Variants in MCFD2 observed in about 807,000 individuals in gnomAD.
MCFD2 encodes multiple coagulation factor deficiency 2, ER cargo receptor complex subunit.
In MCFD2, 11 loss-of-function variants were observed where a neutral mutation model predicts 12.8. That is an observed-to-expected ratio of 0.86 (90% CI 0.54 to 1.42). The LOEUF (loss-of-function observed/expected upper bound fraction) is 1.42. MCFD2 is among the 40% of genes most tolerant of loss of function. MCFD2 has a pLI of 0.00. For synonymous variants in MCFD2, 70 were observed against 68.1 expected (o/e 1.03, Z -0.14); for missense variants, 191 against 178.6 (o/e 1.07, Z -0.40).
chr2:46,925,221 G>T (rs1402453639), intron 1 of MCFD2, among the ~76,000 whole-genome samples: 6 of 152,164 alleles, frequency 3.9e-5, no homozygotes, highest in Admixed American at 2.0e-4. Flanking sequence ...ATCCTGAGTA[G>T]CTGGGACTAC....
At chr2:46,923,439 G>T (rs1052762400) in intron 1 of MCFD2, among the ~76,000 whole-genome samples, 2 of 152,186 alleles carry the variant, frequency 1.3e-5, no homozygotes, top group Non-Finnish European at 1.5e-5. Flanking sequence ...AGGATTGTAG[G>T]AGTTGTATGC....
In MCFD2 at chr2:46,941,327, A is replaced by T. The variant is rs1670343904; in HGVS notation, c.-8+245T>A. 1.3e-5 allele frequency: 3 copies of T among 227,162 alleles called. No individual in the cohort carries two copies. The highest frequency in any genetic ancestry group is 2.4e-5 in the Non-Finnish European group (3 of 127,330). 14.1% of individuals were successfully genotyped at this position (227,162 alleles called of 1,614,324 possible). A position where few individuals can be genotyped will look rare whatever the true frequency, so the allele number is the denominator to read the frequency against. The stretch of plus-strand genomic sequence containing the variant: ...GTACGGGCCGCTCGGCCGGAGCCGC[A>T]GCCCGGAGGCGCCGGGCGGTGCGCT... On this transcript the variant is annotated intron_variant, in intron 1 of 2. Transcript: ENST00000409147. The surrounding 1 kb of genome is among the most constrained non-coding windows in gnomAD (Gnocchi z 4.2).
At position 46,940,501 on chromosome 2, in the gene MCFD2, C is replaced by G. The variant is rs575500388; in HGVS notation, c.-8+1071G>C. ...GTGAACTTCTGGGCACCCCACAGCC[C>G]TGGGCTAAACCCTGCTAAGCACTCC... On this transcript the variant is annotated intron_variant, in intron 1 of 2. Transcript: ENST00000409147. The surrounding 1 kb of genome is among the most constrained non-coding windows in gnomAD (Gnocchi z 4.7). Among the ~76,000 whole-genome samples, 3 of 152,296 alleles carry G rather than the reference C, an allele frequency of 2.0e-5. No individual in the cohort carries two copies. Among genetic ancestry groups the G allele is most frequent in the African/African-American group, 4.8e-5 (2 of 41,568 alleles).
At position 46,907,850 on chromosome 2, in the gene MCFD2, C is replaced by T. The variant is rs994703366; in HGVS notation, c.269G>A (p.Gly90Asp). The change falls in exon 3 of 4, where the codon GGC becomes GAC. Residue 90 changes from glycine (G) to aspartate (D), a missense_variant. By Grantham distance (94) the Gly-to-Asp change is moderately conservative. Transcript: ENST00000319466. The surrounding 1 kb of genome is among the most constrained non-coding windows in gnomAD (Gnocchi z 4.1). ...HDYDGNNLLD[G>D]LELSTAITHV... ...AGTGATGGCTGTGGAGAGTTCTAAG[C>T]CATCAAGCAAATTATTGCCATCATA... 2 of 1,614,056 alleles carry T rather than the reference C, an allele frequency of 1.2e-6. No homozygotes were observed. The highest frequency in any genetic ancestry group is 1.7e-6 in the Non-Finnish European group (2 of 1,180,060).
intron 1 of MCFD2, chr2:46,912,807 G>A (rs1668538520): frequency 6.6e-6 from 1 of 152,254 alleles, no homozygotes; most frequent in Admixed American, 6.5e-5. Context: ...CACAGTGCCT[G>A]GAACAGAAGC....
chr2:46,912,016 A>G (rs886632731), intron 1 of MCFD2, among the ~76,000 whole-genome samples: 4 of 152,236 alleles, frequency 2.6e-5, no homozygotes, highest in African/African-American at 9.6e-5. Context: ...GTCAGAAACT[A>G]CACTTCCAAT....
chr2:46,926,175 G>A (rs780503987), intron 1 of MCFD2, among the ~76,000 whole-genome samples: 28 of 152,224 alleles, frequency 1.8e-4, no homozygotes, highest in Non-Finnish European at 3.8e-4. Context: ...CAGAGCAGTT[G>A]TGAGTCGTGA....
chr2:46,910,480 A>C (rs1399807115), intron 1 of MCFD2, among the ~76,000 whole-genome samples: 2 of 152,212 alleles, frequency 1.3e-5, no homozygotes, highest in Non-Finnish European at 2.9e-5. Context: ...TGGTAAAGAC[A>C]AACCATAAGG....
At chr2:46,910,994 C>G (rs1486323345) in intron 1 of MCFD2, 2 of 152,214 alleles carry the variant, frequency 1.3e-5, no homozygotes, top group Non-Finnish European at 2.9e-5. Context: ...ACACTCCAGC[C>G]TGGGTAACAG....
chr2:46,939,709 G>A (rs1670172950), intron 1 of MCFD2, among the ~76,000 whole-genome samples: 1 of 152,172 alleles, frequency 6.6e-6, no homozygotes, highest in Non-Finnish European at 1.5e-5. Flanking sequence ...GGAATGCCAG[G>A]CGTGGGGCAA....
chr2:46,938,178 A>G (rs1030898245), intron 1 of MCFD2, among the ~76,000 whole-genome samples: 38 of 152,160 alleles, frequency 2.5e-4, no homozygotes, highest in African/African-American at 8.7e-4. Context: ...ACTAAAGAAA[A>G]AGAAAAAAGC....
intron 1 of MCFD2, among the ~76,000 whole-genome samples, chr2:46,924,032 G>C (rs1016263138): frequency 2.2e-4 from 34 of 151,678 alleles, no homozygotes; most frequent in Non-Finnish European, 3.8e-4. Flanking sequence ...CACTGTGCCC[G>C]GCCTATAGAA....
At chr2:46,915,670 C>T (rs111472600) in intron 1 of MCFD2, 53 bp downstream of exon 1, 11,796 of 718,814 alleles carry the variant, frequency 0.016, 204 homozygotes, top group African/African-American at 0.069. Context: ...CTCCAGCCCA[C>T]AGGAGAGGCG....
chr2:46,936,941 G>C (rs1246862340), intron 1 of MCFD2, among the ~76,000 whole-genome samples: 1 of 150,098 alleles, frequency 6.7e-6, no homozygotes, highest in Non-Finnish European at 1.5e-5. Context: ...TGCAACCTCT[G>C]CCTCCTGGGC....
chr2:46,916,144 C>G, upstream of MCFD2: 1 of 985,506 alleles, frequency 1.0e-6, no homozygotes, highest in African/African-American at 1.7e-5. Flanking sequence ...TGGCTCCCAA[C>G]TCCGCTCACC....
intron 1 of MCFD2, among the ~76,000 whole-genome samples, chr2:46,938,781 A>AGGCG (rs988117435): frequency 6.6e-6 from 1 of 152,170 alleles, no homozygotes; most frequent in African/African-American, 2.4e-5. Flanking sequence ...TGGGAGGCCA[A>AGGCG]GGCGGGCAGA....
At position 46,937,361 on chromosome 2, in the gene MCFD2, C is replaced by A. The variant is rs995264858; in HGVS notation, c.-8+4211G>T. On this transcript the variant is annotated intron_variant, in intron 1 of 2. Transcript: ENST00000409147. This position sits in a 1 kb window ranked among gnomAD's most constrained non-coding sequence, Gnocchi z 4.0. The stretch of plus-strand genomic sequence containing the variant: ...TTTCCTCCTGGCTGGCTAGATACCC[C>A]AAAGCTCACTTAACTTCAGAATAGA... Among the ~76,000 whole-genome samples the A allele has an allele frequency of 1.3e-5, 2 of 151,926 alleles. No individual in the cohort carries two copies. Among genetic ancestry groups the A allele is most frequent in the African/African-American group, 2.4e-5 (1 of 41,346 alleles).
At chr2:46,927,767 C>T (rs1405731149) in intron 1 of MCFD2, among the ~76,000 whole-genome samples, 1 of 151,702 alleles carries the variant, frequency 6.6e-6, no homozygotes, top group East Asian at 1.9e-4. Flanking sequence ...AACTGCTCAC[C>T]TAAAATACTA....
chr2:46,916,075 G>A, upstream of MCFD2: 5 of 985,538 alleles, frequency 5.1e-6, no homozygotes, highest in Non-Finnish European at 6.0e-6. Context: ...GAAGCCCTCA[G>A]GAACGTAGTT....
Sources: allele counts gnomAD v4.1 joint callset (sites outside exome capture counted in the v4.1 genomes callset), GRCh38; gene constraint gnomAD v4.1.1; non-coding constraint Gnocchi (gnomAD v3.1); transcripts MANE v1.5; gene names NCBI Gene and HGNC (gene_info 2026-07-23, HGNC 2026-07-21).